IL1RAPL2: variants seen among roughly 807,000 people sequenced by gnomAD.
The protein encoded by IL1RAPL2 is interleukin 1 receptor accessory protein like 2.
A neutral mutation model predicts 44.1 loss-of-function variants in IL1RAPL2; 3 were observed. That is an observed-to-expected ratio of 0.07 (90% CI 0.03 to 0.18). The LOEUF (loss-of-function observed/expected upper bound fraction) is 0.18. Among genes scored for constraint, IL1RAPL2 ranks in the 10% least tolerant of loss-of-function variants. The pLI, the probability that IL1RAPL2 is intolerant of heterozygous loss-of-function variation, is 1.00. For synonymous variants in IL1RAPL2, 181 were observed against 178.8 expected (o/e 1.01, Z -0.10); for missense variants, 391 against 496.4 (o/e 0.79, Z 2.02).
intron 2 of IL1RAPL2, among the ~76,000 whole-genome samples, chrX:105,026,064 G>A (rs958607881): frequency 4.5e-5 from 5 of 110,633 alleles, no homozygotes; most frequent in Non-Finnish European, 9.5e-5. Context: ...ATTGATGGGG[G>A]AATGGGCTCC....
intron 2 of IL1RAPL2, among the ~76,000 whole-genome samples, chrX:104,947,435 T>G (rs1166273518): frequency 3.2e-4 from 32 of 99,470 alleles, no homozygotes; most frequent in African/African-American, 1.0e-3. Flanking sequence ...ATCCCATTTG[T>G]CAATTTTGGC....
intron 2 of IL1RAPL2, among the ~76,000 whole-genome samples, chrX:105,013,057 A>G (rs1010091453): frequency 2.7e-5 from 3 of 111,094 alleles, no homozygotes; most frequent in African/African-American, 9.8e-5. Context: ...TGGTTTGGGA[A>G]CACTGTAGTG....
In IL1RAPL2 at chrX:105,410,806, C is replaced by T. The variant is rs778994811; in HGVS notation, c.698-73507C>T. On this transcript the variant is annotated intron_variant, in intron 5 of 10. Coordinates refer to ENST00000372582, the MANE Select transcript of IL1RAPL2 (RefSeq NM_017416.2). ...ACATCTGGAAGTGAAAGGATGACAT[C>T]TACCAATGTGAAAACATGTGAAAGT... Among the ~76,000 whole-genome samples, 171 of 111,623 alleles carry T rather than the reference C, an allele frequency of 1.5e-3. 1 individual carries two copies. Among genetic ancestry groups the T allele is most frequent in the African/African-American group, 5.2e-3 (160 of 30,862 alleles).
At chrX:105,094,054 C>A (rs2032575926) in intron 2 of IL1RAPL2, among the ~76,000 whole-genome samples, 1 of 111,652 alleles carries the variant, frequency 9.0e-6, no homozygotes, top group Non-Finnish European at 1.9e-5. Context: ...TGAGCCACCT[C>A]CTCAGATGTG....
chrX:105,072,766 T>G (rs747761288), intron 2 of IL1RAPL2, among the ~76,000 whole-genome samples: 2 of 110,971 alleles, frequency 1.8e-5, no homozygotes, highest in African/African-American at 3.3e-5. Flanking sequence ...ATTAGGAATT[T>G]TTCCTAATGC....
At chrX:104,713,458 A>G (rs775009179) in intron 2 of IL1RAPL2, among the ~76,000 whole-genome samples, 11 of 110,720 alleles carry the variant, frequency 9.9e-5, no homozygotes, top group African/African-American at 1.6e-4. Context: ...TCTTGTTTTC[A>G]CTCAGGACAG....
intron 2 of IL1RAPL2, among the ~76,000 whole-genome samples, chrX:105,120,126 G>C (rs1342213611): frequency 9.2e-6 from 1 of 108,502 alleles, no homozygotes; most frequent in Non-Finnish European, 1.9e-5. Context: ...TTCTGACACT[G>C]TTACAATGAA....
chrX:105,279,023 A>G (rs1331120809), intron 5 of IL1RAPL2, among the ~76,000 whole-genome samples: 1 of 111,652 alleles, frequency 9.0e-6, no homozygotes, highest in African/African-American at 3.3e-5. Flanking sequence ...TAATTTTGCA[A>G]AAGTTTTCAC....
chrX:105,036,855 G>A (rs1446495535), intron 2 of IL1RAPL2, among the ~76,000 whole-genome samples: 1 of 111,375 alleles, frequency 9.0e-6, no homozygotes, highest in Non-Finnish European at 1.9e-5. Context: ...CAATACAAAG[G>A]GATAAAAACC....
intron 2 of IL1RAPL2, among the ~76,000 whole-genome samples, chrX:105,135,811 C>G (rs181151277): frequency 1.0e-4 from 11 of 107,210 alleles, no homozygotes; most frequent in Admixed American, 2.9e-4. Flanking sequence ...CCCAGATCCC[C>G]CAAAGACAAC....
At chrX:104,859,718 TATAATGAAC>T (rs1171773996) in intron 2 of IL1RAPL2, among the ~76,000 whole-genome samples, 1 of 112,419 alleles carries the variant, frequency 8.9e-6, no homozygotes, top group Non-Finnish European at 1.9e-5. Flanking sequence ...CCACCTTTTC[TATAATGAAC>T]ATAATGGACT....
At position 105,748,931 on chromosome X, in the gene IL1RAPL2, C is replaced by A. The variant is rs374822560; in HGVS notation, c.1049-29C>A. 5.9e-6 allele frequency: 7 copies of A among 1,193,476 alleles called. No individual in the cohort carries two copies. The African/African-American group carries it at 1.2e-4, about 21-fold the overall frequency. On this transcript the variant is annotated intron_variant, in intron 8 of 10. Transcript: ENST00000372582. ...ATCCCAAGTGTTGCTGATTTAATTACCTTTTCCTGTTTATTCTGTTCGCTC... is the reference window on the plus strand; with the variant it reads ...ATCCCAAGTGTTGCTGATTTAATTAACTTTTCCTGTTTATTCTGTTCGCTC...
At chrX:104,795,367 T>C (rs1246744733) in intron 2 of IL1RAPL2, among the ~76,000 whole-genome samples, 3 of 111,059 alleles carry the variant, frequency 2.7e-5, no homozygotes, top group African/African-American at 9.8e-5. Flanking sequence ...CCATTTGTTT[T>C]CATGAAGGAA....
intron 5 of IL1RAPL2, among the ~76,000 whole-genome samples, chrX:105,478,973 G>T (rs1278624016): frequency 1.8e-5 from 2 of 112,169 alleles, no homozygotes; most frequent in African/African-American, 6.5e-5. Flanking sequence ...TGTATTCAAA[G>T]TAGTACATGT....
At chrX:105,488,016 C>A (rs1456259314) in intron 6 of IL1RAPL2, among the ~76,000 whole-genome samples, 1 of 112,103 alleles carries the variant, frequency 8.9e-6, no homozygotes, top group African/African-American at 3.2e-5. Context: ...CCAAGAAATA[C>A]GAAAATCCAA....
chrX:104,914,379 A>T (rs1362464268), intron 2 of IL1RAPL2, among the ~76,000 whole-genome samples: 1 of 111,903 alleles, frequency 8.9e-6, no homozygotes, highest in African/African-American at 3.2e-5. Flanking sequence ...TTTCTAAAAA[A>T]GGAAATGCTA....
chrX:105,252,566 G>A (rs990031957), intron 4 of IL1RAPL2, among the ~76,000 whole-genome samples: 4 of 111,427 alleles, frequency 3.6e-5, no homozygotes, highest in African/African-American at 1.3e-4. Flanking sequence ...GGCATCCCAG[G>A]GATACAAACA....
intron 6 of IL1RAPL2, among the ~76,000 whole-genome samples, chrX:105,697,449 T>C (rs183121440): frequency 4.5e-5 from 5 of 111,418 alleles, no homozygotes; most frequent in African/African-American, 1.3e-4. Context: ...AGCAGTTGAT[T>C]AGGCAGTGCT....
At position 105,181,353 on chromosome X, in the gene IL1RAPL2, C is replaced by T. The variant is rs2033529132; in HGVS notation, c.83-14122C>T. On this transcript the variant is annotated intron_variant, in intron 2 of 10. Transcript: ENST00000372582. ...TTCTGATCTTTTTATTTCTTTCCTT[C>T]TGCTAATTTGGGGCTTGGCTTGTTC... 5.4e-5 allele frequency among the ~76,000 whole-genome samples: 6 copies of T among 111,573 alleles called. No homozygotes were observed. The South Asian group carries it at 2.2e-3, about 42-fold the overall frequency.
Sources: allele counts gnomAD v4.1 joint callset (sites outside exome capture counted in the v4.1 genomes callset), GRCh38; gene constraint gnomAD v4.1.1; transcripts MANE v1.5; gene names NCBI Gene and HGNC (gene_info 2026-07-23, HGNC 2026-07-21).